CREBBP: variants seen among roughly 807,000 people sequenced by gnomAD.
The protein encoded by CREBBP is CREB-binding protein.
In CREBBP, 19 loss-of-function variants were observed where a neutral mutation model predicts 265.0. The ratio of observed to expected loss-of-function variants is 0.07; its 90% CI spans 0.05 to 0.11. The LOEUF (loss-of-function observed/expected upper bound fraction) is 0.11. Ranked by LOEUF, CREBBP falls within the 10% of genes least tolerant of loss-of-function variation. CREBBP has a pLI of 1.00. For missense variants in CREBBP, 2,525 were observed against 3,219.0 expected, an observed-to-expected ratio of 0.78 and a Z score of 5.22; for synonymous variants, 1,457 against 1,223.7, an observed-to-expected ratio of 1.19 and a Z score of -3.98.
intron 2 of CREBBP, among the ~76,000 whole-genome samples, chr16:3,847,392 C>T (rs1055959084): frequency 6.6e-6 from 1 of 152,126 alleles, no homozygotes; most frequent in Non-Finnish European, 1.5e-5. Flanking sequence ...GCTCTGCTAT[C>T]GTAAGGTTCT....
intron 5 of CREBBP, among the ~76,000 whole-genome samples, chr16:3,786,272 A>G (rs2141263039): frequency 6.6e-6 from 1 of 152,336 alleles, no homozygotes; most frequent in South Asian, 2.1e-4. Context: ...AGGCTGAGGC[A>G]GGAGAACCGC....
intron 2 of CREBBP, among the ~76,000 whole-genome samples, chr16:3,830,810 T>C (rs140444751): frequency 7.2e-4 from 110 of 152,126 alleles, no homozygotes; most frequent in African/African-American, 2.6e-3. Flanking sequence ...TGAGACAGAG[T>C]CTTGCTCCGT....
chr16:3,787,291 C>G (rs2053409838), intron 5 of CREBBP, among the ~76,000 whole-genome samples: 1 of 152,146 alleles, frequency 6.6e-6, no homozygotes, highest in African/African-American at 2.4e-5. Context: ...GCCACAAGCC[C>G]TCAAGCAAAA....
In CREBBP at chr16:3,773,831, G is replaced by A. The variant is rs1362967620; in HGVS notation, c.2383C>T (p.Pro795Ser). Reference protein sequence around the residue: ...AQAPAQSQFLPQNQFPSSSGA... With the variant: ...AQAPAQSQFLSQNQFPSSSGA... ...CTGGATGACGGGAACTGGTTCTGTG[G>A]CAGAAACTGGCTCTGAGCGGGCGCC... Residue 795 changes from proline (P) to serine (S), a missense_variant, in exon 13 of 31, where the codon CCA becomes TCA. Physicochemically the swap from Pro to Ser is moderately conservative, Grantham distance 74. Around this residue, in one of 19 missense-constraint regions of CREBBP, gnomAD observed 548 missense variants for 533.0 expected, o/e 1.03. Transcript: ENST00000262367. 6.2e-7 allele frequency: 1 copy of A among 1,612,912 alleles called. No individual in the cohort carries two copies. Among genetic ancestry groups the A allele is most frequent in the East Asian group, 2.2e-5 (1 of 44,890 alleles).
intron 5 of CREBBP, among the ~76,000 whole-genome samples, chr16:3,785,588 G>A (rs2053367666): frequency 6.6e-6 from 1 of 152,230 alleles, no homozygotes; most frequent in African/African-American, 2.4e-5. Context: ...CAGCTATAGC[G>A]CAGCGGCCAG....
intron 2 of CREBBP, among the ~76,000 whole-genome samples, chr16:3,844,147 C>CAAA (rs545907683): frequency 1.2e-3 from 24 of 19,696 alleles, no homozygotes; most frequent in Middle Eastern, 0.022. Flanking sequence ...GACTCCGTCT[C>CAAA]AAAAAAAAAA....
intron 30 of CREBBP, 107 bp from the exon 31 acceptor site, chr16:3,729,981 C>G: frequency 1.3e-6 from 2 of 1,537,656 alleles, no homozygotes; most frequent in Non-Finnish European, 1.7e-6. Flanking sequence ...GCCAGGAGAC[C>G]CAGGCAGGAT....
intron 5 of CREBBP, among the ~76,000 whole-genome samples, chr16:3,790,295 C>T (rs2053476329): frequency 6.6e-6 from 1 of 151,274 alleles, no homozygotes. Context: ...TAAGAAATGT[C>T]CAGGGAAATT....
intron 5 of CREBBP, among the ~76,000 whole-genome samples, chr16:3,784,107 A>G (rs130022): frequency 0.038 from 5,759 of 152,290 alleles, 373 homozygotes; most frequent in African/African-American, 0.13. Context: ...TGTTGTTGCT[A>G]TAACACACCA....
intron 16 of CREBBP, chr16:3,761,655 A>G: frequency 2.0e-6 from 1 of 503,252 alleles, no homozygotes; most frequent in Non-Finnish European, 3.9e-6. Context: ...AGGTCCGGGC[A>G]ACCAGGTAAA....
At chr16:3,801,635 A>T (rs145244687) in intron 3 of CREBBP, among the ~76,000 whole-genome samples, 1 of 152,246 alleles carries the variant, frequency 6.6e-6, no homozygotes, top group African/African-American at 2.4e-5. Flanking sequence ...GCGCCACTGC[A>T]CTCCAGCTTG....
At chr16:3,769,871 T>C (rs927244984) in intron 14 of CREBBP, among the ~76,000 whole-genome samples, 1 of 151,916 alleles carries the variant, frequency 6.6e-6, no homozygotes, top group African/African-American at 2.4e-5. Flanking sequence ...TCTTACTCAA[T>C]GGAATTTTTT....
chr16:3,737,451 TTTTC>T (rs1429898537), intron 26 of CREBBP, among the ~76,000 whole-genome samples: 1 of 149,762 alleles, frequency 6.7e-6, no homozygotes, highest in African/African-American at 2.5e-5. Flanking sequence ...TTTTTTTCTT[TTTTC>T]TTTTTTTTTT....
intron 2 of CREBBP, among the ~76,000 whole-genome samples, chr16:3,829,976 T>C (rs565121554): frequency 6.6e-6 from 1 of 152,224 alleles, no homozygotes; most frequent in African/African-American, 2.4e-5. Context: ...ATGAGAAACC[T>C]AAACCCAACA....
At chr16:3,838,505 C>T (rs1012544171) in intron 2 of CREBBP, among the ~76,000 whole-genome samples, 5 of 152,070 alleles carry the variant, frequency 3.3e-5, no homozygotes, top group African/African-American at 9.7e-5. Context: ...ACATTCATTC[C>T]GTTTGTGTTA....
chr16:3,830,167 T>C (rs1567345247), intron 2 of CREBBP, among the ~76,000 whole-genome samples: 5 of 152,014 alleles, frequency 3.3e-5, no homozygotes, highest in Middle Eastern at 6.8e-3. Context: ...GAGGTCGAGG[T>C]GGGCAGATCG....
Position 3,770,967 on chromosome 16 carries a change from G to C in CREBBP, c.2483C>G (p.Ala828Gly), listed in dbSNP as rs1468307928. ...CAGCATGTTGAGAGGGTTAGGAAGA[G>C]CAGCACCAGGCACCTGTCCCTACCA... ...GVSQGQVPGA[A>G]LPNPLNMLGP... The change falls in exon 14 of 31, where the codon GCT becomes GGT. Residue 828 changes from alanine (A) to glycine (G), a missense_variant. This residue lies in a region of CREBBP where 548 missense variants were observed against 533.0 expected (regional missense o/e 1.03). Coordinates refer to ENST00000262367, the MANE Select transcript of CREBBP (RefSeq NM_004380.3). 1 of 1,613,544 alleles carries C rather than the reference G, an allele frequency of 6.2e-7. No homozygotes were observed.
chr16:3,732,700 C>G (rs917770060), intron 28 of CREBBP, among the ~76,000 whole-genome samples: 19 of 151,998 alleles, frequency 1.3e-4, no homozygotes, highest in African/African-American at 4.1e-4. Context: ...CCATGCCCGG[C>G]TACCTATCAT....
intron 18 of CREBBP, 63 bp downstream of exon 18, chr16:3,757,746 A>AT: frequency 6.2e-7 from 1 of 1,605,294 alleles, no homozygotes. Context: ...TCATATTAGT[A>AT]TAACACCCCT....
Sources: allele counts gnomAD v4.1 joint callset (sites outside exome capture counted in the v4.1 genomes callset), GRCh38; gene constraint gnomAD v4.1.1; regional missense constraint gnomAD v4.1.1; transcripts MANE v1.5; gene names NCBI Gene and HGNC (gene_info 2026-07-23, HGNC 2026-07-21).